The following PTPRM variants were observed in gnomAD, a reference collection of about 807,000 sequenced individuals.
PTPRM encodes the protein receptor-type tyrosine-protein phosphatase mu.
PTPRM carries 47 observed loss-of-function variants against 186.7 expected under a neutral mutation model. That is an observed-to-expected ratio of 0.25 (90% CI 0.20 to 0.32). The LOEUF (loss-of-function observed/expected upper bound fraction) is 0.32. Among genes scored for constraint, PTPRM ranks in the 10% least tolerant of loss-of-function variants. PTPRM has a pLI of 1.00. For synonymous variants in PTPRM, 668 were observed against 674.9 expected, an observed-to-expected ratio of 0.99 and a Z score of 0.16; for missense variants, 1,494 against 1,865.0, an observed-to-expected ratio of 0.80 and a Z score of 3.66.
rs1237072259 is a variant in PTPRM at position 7,837,026 on chromosome 18, T to C, written c.197-51080T>C. ...TCTTGTTCTTGGATAGTGATATCTTTCTCTAAGTTTGAGAAGTTCTCTGTT... is the reference window on the plus strand; with the variant it reads ...TCTTGTTCTTGGATAGTGATATCTTCCTCTAAGTTTGAGAAGTTCTCTGTT... On this transcript the variant is annotated intron_variant, in intron 2 of 32. Coordinates refer to ENST00000580170, the MANE Select transcript of PTPRM (RefSeq NM_001105244.2). 2.6e-5 allele frequency among the ~76,000 whole-genome samples: 4 copies of C among 152,316 alleles called. No individual in the cohort carries two copies. In the East Asian group the frequency reaches 7.7e-4, roughly 29 times the overall value.
At chr18:8,038,672 G>A (rs985000695) in intron 7 of PTPRM, among the ~76,000 whole-genome samples, 2 of 152,144 alleles carry the variant, frequency 1.3e-5, no homozygotes, top group Admixed American at 6.6e-5. Flanking sequence ...GATTACAGGC[G>A]TGAGCCACTG....
chr18:8,336,827 A>G (rs908469661), intron 22 of PTPRM, among the ~76,000 whole-genome samples: 6 of 151,622 alleles, frequency 4.0e-5, no homozygotes, highest in Admixed American at 6.6e-5. Context: ...TTATACAAAA[A>G]TTAGCTGGGT....
intron 2 of PTPRM, among the ~76,000 whole-genome samples, chr18:7,831,282 T>C (rs769663291): frequency 7.9e-5 from 12 of 152,172 alleles, no homozygotes; most frequent in Admixed American, 1.3e-4. Flanking sequence ...TCTTATCATG[T>C]CAGTCTTACA....
At position 7,929,442 on chromosome 18, in the gene PTPRM, C is replaced by T. The variant is rs548641951; in HGVS notation, c.663+2759C>T. Among the ~76,000 whole-genome samples the T allele has an allele frequency of 3.2e-4, 49 of 152,184 alleles. 1 individual carries two copies. The highest frequency in any genetic ancestry group is 5.8e-4 in the East Asian group (3 of 5,164). On this transcript the variant is annotated intron_variant, in intron 5 of 32. Transcript: ENST00000580170. ...TATTGCCCTGCAGCTTTCTACACTG[C>T]GCTGTCAAGAAGGAGATGACACAGA...
chr18:7,941,046 A>G (rs542321848), intron 5 of PTPRM, among the ~76,000 whole-genome samples: 1 of 152,192 alleles, frequency 6.6e-6, no homozygotes, highest in Non-Finnish European at 1.5e-5. Context: ...TTTTACTAGT[A>G]TCCTGTGGCC....
intron 7 of PTPRM, among the ~76,000 whole-genome samples, chr18:7,976,918 TG>T (rs1055993432): frequency 6.7e-5 from 10 of 149,282 alleles, no homozygotes; most frequent in East Asian, 2.0e-4. Flanking sequence ...AGAAACTTGC[TG>T]TTTTTTTTTT....
chr18:7,887,594 CAG>C (rs1386187856), intron 2 of PTPRM, among the ~76,000 whole-genome samples: 1 of 152,206 alleles, frequency 6.6e-6, no homozygotes, highest in African/African-American at 2.4e-5. Context: ...CTAGGTTATA[CAG>C]AGTGATTACT....
intron 13 of PTPRM, among the ~76,000 whole-genome samples, chr18:8,124,843 A>AT (rs1394057579): frequency 6.6e-6 from 1 of 152,210 alleles, no homozygotes; most frequent in African/African-American, 2.4e-5. Flanking sequence ...GTCTTCAGCC[A>AT]TTTTTTGTTC....
At chr18:8,274,465 A>T (rs1256765264) in intron 19 of PTPRM, among the ~76,000 whole-genome samples, 1 of 152,130 alleles carries the variant, frequency 6.6e-6, no homozygotes, top group Non-Finnish European at 1.5e-5. Flanking sequence ...TGCTTTTCCC[A>T]TGTGACTCTT....
At chr18:8,388,116 T>C (rs1215534936) in intron 31 of PTPRM, among the ~76,000 whole-genome samples, 1 of 152,192 alleles carries the variant, frequency 6.6e-6, no homozygotes, top group Non-Finnish European at 1.5e-5. Flanking sequence ...TCAAAGCACT[T>C]TCACCTGCAT....
Position 8,264,436 on chromosome 18 carries a change from A to G in PTPRM, c.2754+11022A>G, listed in dbSNP as rs145623054. ...CTAGAACTTTCATGATGTTGAGGGT[A>G]CCTGCCCTTGTACTAACACCTACTA... On this transcript the variant is annotated intron_variant, in intron 19 of 32. Coordinates refer to ENST00000580170, the MANE Select transcript of PTPRM (RefSeq NM_001105244.2). Among the ~76,000 whole-genome samples, 32 of 144,766 alleles carry G rather than the reference A, an allele frequency of 2.2e-4. No individual in the cohort carries two copies. The East Asian group carries it at 6.4e-3, about 29-fold the overall frequency. The allele number at this position is 144,766 out of a possible 152,430, so 95.0% of individuals were successfully genotyped here.
At chr18:8,327,117 C>G (rs1292746747) in intron 22 of PTPRM, among the ~76,000 whole-genome samples, 4 of 152,172 alleles carry the variant, frequency 2.6e-5, no homozygotes, top group Admixed American at 1.3e-4. Flanking sequence ...AGTTAAGAAG[C>G]CTTGGAACAA....
chr18:7,638,696 T>C (rs1002630697), intron 1 of PTPRM, among the ~76,000 whole-genome samples: 1 of 152,214 alleles, frequency 6.6e-6, no homozygotes, highest in Admixed American at 6.5e-5. Context: ...TTAAGTATTA[T>C]TAGGTTAGTT....
rs1841798026 is a variant in PTPRM, at chr18:7,567,530, C to T, written c.-289C>T. 3.1e-6 allele frequency: 1 copy of T among 326,348 alleles called. No individual in the cohort carries two copies. The highest frequency in any genetic ancestry group is 5.1e-5 in the East Asian group (1 of 19,748). 20.2% of individuals were successfully genotyped at this position (326,348 alleles called of 1,614,324 possible). ...GAGGCGGCGAGCTCAGCAACCGGAA[C>T]CGAGGGAAGATTTTGGCTCCGCGGG... On this transcript the variant is annotated 5_prime_UTR_variant, in exon 1 of 33. Coordinates refer to ENST00000580170, the MANE Select transcript of PTPRM (RefSeq NM_001105244.2). The surrounding 1 kb of genome is among the most constrained non-coding windows in gnomAD (Gnocchi z 4.3).
chr18:7,734,681 C>A (rs1341214818), intron 1 of PTPRM, among the ~76,000 whole-genome samples: 1 of 152,068 alleles, frequency 6.6e-6, no homozygotes, highest in East Asian at 1.9e-4. Flanking sequence ...TTTTACTACT[C>A]CTTGAAAAAG....
At chr18:7,733,300 A>G (rs1026816087) in intron 1 of PTPRM, among the ~76,000 whole-genome samples, 6 of 151,752 alleles carry the variant, frequency 4.0e-5, no homozygotes, top group Admixed American at 2.6e-4. Flanking sequence ...ATGTGTTCTC[A>G]TTGTTCAGCT....
At chr18:8,306,525 T>C (rs1411687950) in intron 20 of PTPRM, among the ~76,000 whole-genome samples, 1 of 152,224 alleles carries the variant, frequency 6.6e-6, no homozygotes, top group Non-Finnish European at 1.5e-5. Flanking sequence ...TCAGGTCTTC[T>C]CAAACTTAGC....
chr18:8,392,400 A>G (rs886074000), intron 31 of PTPRM, among the ~76,000 whole-genome samples: 27 of 152,134 alleles, frequency 1.8e-4, no homozygotes, highest in African/African-American at 4.1e-4. Flanking sequence ...CGGGGCGGGC[A>G]GATCACTAGG....
intron 2 of PTPRM, among the ~76,000 whole-genome samples, chr18:7,873,824 G>T (rs1433211929): frequency 6.6e-6 from 1 of 152,190 alleles, no homozygotes; most frequent in Non-Finnish European, 1.5e-5. Context: ...CATGTCTGGA[G>T]CAGTTGCTTA....
Sources: allele counts gnomAD v4.1 joint callset (sites outside exome capture counted in the v4.1 genomes callset), GRCh38; gene constraint gnomAD v4.1.1; non-coding constraint Gnocchi (gnomAD v3.1); transcripts MANE v1.5; gene names NCBI Gene and HGNC (gene_info 2026-07-23, HGNC 2026-07-21).